The following ZNF621 variants were observed in gnomAD, a reference collection of about 807,000 sequenced individuals.
ZNF621 encodes zinc finger protein 621.
ZNF621 carries 6 observed loss-of-function variants against 12.7 expected under a neutral mutation model. The ratio of observed to expected loss-of-function variants is 0.47; its 90% CI spans 0.26 to 0.93. The LOEUF (loss-of-function observed/expected upper bound fraction) is 0.93, where lower values mean the gene tolerates loss of function less well. ZNF621 is among the 40% of genes least tolerant of loss of function. The pLI, the probability that ZNF621 is intolerant of heterozygous loss-of-function variation, is 0.15. For missense variants in ZNF621, 474 were observed against 524.0 expected (o/e 0.90, Z 0.93); for synonymous variants, 156 against 190.3 (o/e 0.82, Z 1.48).
At chr3:40,525,670 T>A (rs1698561482) in intron 1 of ZNF621, 109 bp from the exon 2 acceptor site, 4 of 808,966 alleles carry the variant, frequency 4.9e-6, no homozygotes, top group Non-Finnish European at 8.4e-6. Context: ...GGAGTCCTAG[T>A]AGAATCTCCG....
At position 40,539,544 on chromosome 3, in the gene ZNF621, G is replaced by T. The variant is rs1435582729; in HGVS notation, c.*6454G>T. ...GGTACTGGAAAATAAAAATAATTGTGTGACTCCCTTTATTGTGTTAAACAT... is the reference window on the plus strand; with the variant it reads ...GGTACTGGAAAATAAAAATAATTGTTTGACTCCCTTTATTGTGTTAAACAT... On this transcript the variant is annotated 3_prime_UTR_variant, in exon 5 of 5. Coordinates refer to ENST00000339296, the MANE Select transcript of ZNF621 (RefSeq NM_198484.5). The T allele has an allele frequency of 6.6e-6, 1 of 152,176 alleles. No individual in the cohort carries two copies. The highest frequency in any genetic ancestry group is 1.5e-5 in the Non-Finnish European group (1 of 68,028). 9.4% of individuals were successfully genotyped at this position (152,176 alleles called of 1,614,324 possible). A position where few individuals can be genotyped will look rare whatever the true frequency, so the allele number is the denominator to read the frequency against.
At chr3:40,525,563 G>A (rs1411958926) in intron 1 of ZNF621, 1 of 600,790 alleles carries the variant, frequency 1.7e-6, no homozygotes, top group African/African-American at 1.9e-5. Flanking sequence ...CTCAAAAAAA[G>A]CTCTTCGGAC....
upstream of ZNF621, among the ~76,000 whole-genome samples, chr3:40,524,338 C>G (rs1698526621): frequency 6.6e-6 from 1 of 152,124 alleles, no homozygotes; most frequent in African/African-American, 2.4e-5. Context: ...TTTAGGGTGT[C>G]CTCCCAAAGT....
At chr3:40,525,981 C>T in intron 2 of ZNF621, 117 bp downstream of exon 2, 2 of 1,158,742 alleles carry the variant, frequency 1.7e-6, no homozygotes, top group Admixed American at 2.3e-5. Flanking sequence ...CTGTGTTTTC[C>T]CCTTTGTATC....
upstream of ZNF621, among the ~76,000 whole-genome samples, chr3:40,523,184 G>C (rs553178158): frequency 1.3e-5 from 2 of 151,968 alleles, no homozygotes; most frequent in East Asian, 3.9e-4. Flanking sequence ...TAATAAGTGT[G>C]TTTTGTTTTC....
chr3:40,524,311 A>G (rs146192314), upstream of ZNF621, among the ~76,000 whole-genome samples: 990 of 152,350 alleles, frequency 6.5e-3, 13 homozygotes, highest in African/African-American at 0.023. Flanking sequence ...TTATTGGAAA[A>G]AGCTAAATAT....
chr3:40,525,833 C>T lies in ZNF621; in HGVS notation c.-8C>T. On this transcript the variant is annotated 5_prime_UTR_variant, in exon 2 of 5. Coordinates refer to ENST00000339296, the MANE Select transcript of ZNF621 (RefSeq NM_198484.5). ...GAAGACAGTGCATGAAGCCAGGGGACATCCGCCATGCTCCAAACAACTTGG... is the reference window on the plus strand; with the variant it reads ...GAAGACAGTGCATGAAGCCAGGGGATATCCGCCATGCTCCAAACAACTTGG... The T allele has an allele frequency of 1.2e-6, 2 of 1,614,122 alleles. No individual in the cohort carries two copies. Among genetic ancestry groups the T allele is most frequent in the Non-Finnish European group, 1.7e-6 (2 of 1,180,036 alleles).
chr3:40,529,703 G>A (rs376664136), intron 3 of ZNF621: 3 of 867,094 alleles, frequency 3.5e-6, no homozygotes, highest in South Asian at 1.5e-5. Context: ...GCTCACTGCA[G>A]CCTCCAACTC....
chr3:40,524,331 AG>A (rs1337513728), upstream of ZNF621, among the ~76,000 whole-genome samples: 3 of 152,244 alleles, frequency 2.0e-5, no homozygotes, highest in African/African-American at 7.2e-5. Context: ...TAAGACATTT[AG>A]GGTGTCCTCC....
rs763374826 is a variant in ZNF621, at chr3:40,533,878, A to G, written c.*788A>G. ...GTTGAAGTTATGTTGCCCTTGGCAC[A>G]GATCTTTGAGAATCTCATACATCTG... On this transcript the variant is annotated 3_prime_UTR_variant, in exon 5 of 5. Transcript: ENST00000339296. 2.6e-5 allele frequency: 4 copies of G among 152,626 alleles called. No individual in the cohort carries two copies. The highest frequency in any genetic ancestry group is 5.9e-5 in the Non-Finnish European group (4 of 68,048). The allele number at this position is 152,626 out of a possible 1,614,324, so 9.5% of individuals were successfully genotyped here.
At chr3:40,529,858 A>G (rs1273079429) in intron 3 of ZNF621, among the ~76,000 whole-genome samples, 2 of 152,124 alleles carry the variant, frequency 1.3e-5, no homozygotes, top group Non-Finnish European at 2.9e-5. Flanking sequence ...GAGGGAAAGC[A>G]TTCTTTCTGG....
intron 2 of ZNF621, among the ~76,000 whole-genome samples, chr3:40,528,612 A>G (rs1331347053): frequency 6.6e-6 from 1 of 152,218 alleles, no homozygotes; most frequent in Non-Finnish European, 1.5e-5. Context: ...CGCATTCATT[A>G]GCACCAGCAG....
rs1386831763 is a variant in ZNF621 at position 40,532,608 on chromosome 3, G to A, written c.838G>A (p.Val280Ile). The A allele has an allele frequency of 6.2e-7, 1 of 1,613,844 alleles. No individual in the cohort carries two copies. Among genetic ancestry groups the A allele is most frequent in the South Asian group, 1.1e-5 (1 of 91,042 alleles). ...TTTCGGTTGTAGGTCACTTTTTATTGTCCATCAGAGAATTCATACTGGGGA... is the reference window on the plus strand; with the variant it reads ...TTTCGGTTGTAGGTCACTTTTTATTATCCATCAGAGAATTCATACTGGGGA... ...KAFGCRSLFI[V>I]HQRIHTGEKP... Residue 280 changes from valine to isoleucine, a missense_variant, in exon 5 of 5, where the codon GTC becomes ATC. Physicochemically the swap from Val to Ile is conservative, Grantham distance 29. Transcript: ENST00000339296.
chr3:40,525,441 G>C (rs1698553472), intron 1 of ZNF621, 167 bp downstream of exon 1: 1 of 298,378 alleles, frequency 3.4e-6, no homozygotes, highest in South Asian at 5.1e-5. Flanking sequence ...TCTTTCTTTT[G>C]GGTCCACGTC....
chr3:40,528,427 C>T (rs1255355196), intron 2 of ZNF621, among the ~76,000 whole-genome samples: 3 of 152,048 alleles, frequency 2.0e-5, no homozygotes, highest in South Asian at 2.1e-4. Flanking sequence ...CAAGTTTTGG[C>T]GATGATGAAT....
In ZNF621 at chr3:40,525,965, G is replaced by C. The variant is rs568431538; in HGVS notation, c.24+101G>C. On this transcript the variant is annotated intron_variant, in intron 2 of 4. Transcript: ENST00000339296. ...GAAAGGATGAGGAAGGCCTAACTTGGCCAAGCTGTGTTTTCCCCTTTGTAT... is the reference window on the plus strand; with the variant it reads ...GAAAGGATGAGGAAGGCCTAACTTGCCCAAGCTGTGTTTTCCCCTTTGTAT... The C allele has an allele frequency of 1.4e-5, 19 of 1,390,524 alleles. 1 individual carries two copies. The South Asian group carries it at 2.4e-4, about 17-fold the overall frequency. The allele number at this position is 1,390,524 out of a possible 1,614,324, so 86.1% of individuals were successfully genotyped here.
intron 2 of ZNF621, among the ~76,000 whole-genome samples, chr3:40,527,460 T>A (rs1362935109): frequency 6.6e-6 from 1 of 152,174 alleles, no homozygotes; most frequent in African/African-American, 2.4e-5. Flanking sequence ...GCCTCCTGAG[T>A]AGCTGGGATT....
chr3:40,529,197 A>G, intron 2 of ZNF621, 122 bp from the exon 3 acceptor site: 1 of 1,219,724 alleles, frequency 8.2e-7, no homozygotes, highest in Non-Finnish European at 1.1e-6. Context: ...CTTGTTGAGC[A>G]GACCTTACAT....
rs1404340386 is a variant in ZNF621, at chr3:40,532,707, C to G, written c.937C>G (p.His313Asp). Reference protein sequence around the residue: ...KIASIQHQRVHTGEKPYECKV... With the variant: ...KIASIQHQRVDTGEKPYECKV... Reference sequence around the variant, plus strand: ...AGCCTCCATTCAGCATCAGAGAGTTCACACTGGGGAGAAGCCTTATGAATG... The same window carrying G: ...AGCCTCCATTCAGCATCAGAGAGTTGACACTGGGGAGAAGCCTTATGAATG... The change falls in exon 5 of 5, where the codon CAC (histidine) becomes GAC (aspartate). Residue 313 changes from histidine (H) to aspartate (D), a missense_variant. Coordinates refer to ENST00000339296, the MANE Select transcript of ZNF621 (RefSeq NM_198484.5). 6.2e-7 allele frequency: 1 copy of G among 1,614,070 alleles called. No homozygotes were observed. Among genetic ancestry groups the G allele is most frequent in the African/African-American group, 1.3e-5 (1 of 74,916 alleles).
Sources: allele counts gnomAD v4.1 joint callset (sites outside exome capture counted in the v4.1 genomes callset), GRCh38; gene constraint gnomAD v4.1.1; transcripts MANE v1.5; gene names NCBI Gene and HGNC (gene_info 2026-07-23, HGNC 2026-07-21).